SCAMP5: variants seen among roughly 807,000 people sequenced by gnomAD.
The protein encoded by SCAMP5 is secretory carrier membrane protein 5, also known as secretory carrier-associated membrane protein 5.
SCAMP5 carries 7 observed loss-of-function variants against 28.3 expected under a neutral mutation model. The ratio of observed to expected loss-of-function variants is 0.25; its 90% CI spans 0.14 to 0.46. The LOEUF is 0.46. Among genes scored for constraint, SCAMP5 ranks in the 20% least tolerant of loss-of-function variants. The probability of loss-of-function intolerance (pLI) is 0.99; values close to 1 mark genes in which losing one functional copy is unlikely to be tolerated. For synonymous variants in SCAMP5, 117 were observed against 116.4 expected, an observed-to-expected ratio of 1.00 and a Z score of -0.03; for missense variants, 192 against 312.5, an observed-to-expected ratio of 0.61 and a Z score of 2.91.
Position 75,018,739 on chromosome 15 carries a change from G to T in SCAMP5, c.514-50G>T. On this transcript the variant is annotated intron_variant, in intron 6 of 6. Coordinates refer to ENST00000425597, the MANE Select transcript of SCAMP5 (RefSeq NM_138967.4). The surrounding 1 kb of genome is among the most constrained non-coding windows in gnomAD (Gnocchi z 5.6). ...ATGGGTCCCATCTATTTCCTGGATGGGCTGCCTTTTCTCTTTGATTAACCC... is the reference window on the plus strand; with the variant it reads ...ATGGGTCCCATCTATTTCCTGGATGTGCTGCCTTTTCTCTTTGATTAACCC... 1 of 1,401,216 alleles carries T rather than the reference G, an allele frequency of 7.1e-7. No individual in the cohort carries two copies. Among genetic ancestry groups the T allele is most frequent in the Non-Finnish European group, 1.0e-6 (1 of 994,340 alleles). 86.8% of individuals were successfully genotyped at this position (1,401,216 alleles called of 1,614,324 possible).
At chr15:74,999,580 C>T (rs1170101038) in intron 1 of SCAMP5, among the ~76,000 whole-genome samples, 3 of 151,550 alleles carry the variant, frequency 2.0e-5, no homozygotes, top group African/African-American at 4.9e-5. Flanking sequence ...GGCGACAGAG[C>T]GAGACTCCAT....
In SCAMP5 at chr15:74,998,932, C is replaced by T. The variant is rs555451384; in HGVS notation, c.-49+3259C>T. ...CAGGGACAGGGGTTAGGCTGGAGCC[C>T]GGTTAGGGAGAAGACTCCTCCTTTG... is the stretch of plus-strand genomic sequence containing the variant. On this transcript the variant is annotated intron_variant, in intron 1 of 6. Coordinates refer to ENST00000425597, the MANE Select transcript of SCAMP5 (RefSeq NM_138967.4). Among the ~76,000 whole-genome samples, 6 of 152,248 alleles carry T rather than the reference C, an allele frequency of 3.9e-5. No individual in the cohort carries two copies. In the South Asian group the frequency reaches 6.2e-4, roughly 16 times the overall value.
chr15:75,000,854 C>G (rs1256531843), intron 1 of SCAMP5, among the ~76,000 whole-genome samples: 1 of 152,112 alleles, frequency 6.6e-6, no homozygotes, highest in Non-Finnish European at 1.5e-5. Context: ...CTTTGAGATT[C>G]ATCCTTCCTC....
At position 75,006,059 on chromosome 15, in the gene SCAMP5, G is replaced by C. The variant is rs143600437; in HGVS notation, c.-48-5733G>C. Reference sequence around the variant, plus strand: ...GTCACCCGGGCTGGAGTAGAGTGGCGTGCTCTCGGCTCACTGAAACCTCCG... The same window carrying C: ...GTCACCCGGGCTGGAGTAGAGTGGCCTGCTCTCGGCTCACTGAAACCTCCG... On this transcript the variant is annotated intron_variant, in intron 1 of 6. Coordinates refer to ENST00000425597, the MANE Select transcript of SCAMP5 (RefSeq NM_138967.4). Among the ~76,000 whole-genome samples the C allele has an allele frequency of 2.1e-5, 3 of 141,984 alleles. No homozygotes were observed. The East Asian group carries it at 6.2e-4, about 30-fold the overall frequency. The allele number at this position is 141,984 out of a possible 152,430, so 93.1% of individuals were successfully genotyped here. A position where few individuals can be genotyped will look rare whatever the true frequency, so the allele number is the denominator to read the frequency against.
Position 75,018,401 on chromosome 15 carries a change from C to T in SCAMP5, c.396-17C>T, listed in dbSNP as rs774098344. ...CTCTTATCCTGCCCGCAGCCCCACA[C>T]TGGCCTCTTCCTGCAGCGGCTGGAT... On this transcript the variant is annotated splice_polypyrimidine_tract_variant and intron_variant, in intron 5 of 6. Transcript: ENST00000425597. This position sits in a 1 kb window ranked among gnomAD's most constrained non-coding sequence, Gnocchi z 5.6. 6.4e-7 allele frequency: 1 copy of T among 1,566,676 alleles called. No individual in the cohort carries two copies. The highest frequency in any genetic ancestry group is 1.3e-5 in the African/African-American group (1 of 74,104).
chr15:75,007,112 A>G (rs1595884072), intron 1 of SCAMP5, among the ~76,000 whole-genome samples: 1 of 152,182 alleles, frequency 6.6e-6, no homozygotes, highest in South Asian at 2.1e-4. Flanking sequence ...TTCCAGGCTA[A>G]CCTTGTATTT....
intron 2 of SCAMP5, 46 bp from the exon 3 acceptor site, chr15:75,012,631 G>A (rs775781686): frequency 1.9e-5 from 30 of 1,611,412 alleles, no homozygotes; most frequent in Admixed American, 5.0e-5. Flanking sequence ...TTGGATTGTC[G>A]GGTGGAAGAC....
chr15:75,010,836 T>C (rs570337638), intron 1 of SCAMP5, among the ~76,000 whole-genome samples: 4 of 152,018 alleles, frequency 2.6e-5, no homozygotes, highest in Admixed American at 2.6e-4. Flanking sequence ...GTACGATGCT[T>C]TCCCATCTGC....
chr15:75,003,438 T>C (rs192149637), intron 1 of SCAMP5, among the ~76,000 whole-genome samples: 62 of 152,298 alleles, frequency 4.1e-4, no homozygotes, highest in African/African-American at 1.4e-3. Flanking sequence ...TTTGTGCATA[T>C]ATTGTCAAAT....
At chr15:75,004,019 G>A (rs965119106) in intron 1 of SCAMP5, among the ~76,000 whole-genome samples, 7 of 151,716 alleles carry the variant, frequency 4.6e-5, no homozygotes, top group Non-Finnish European at 1.0e-4. Flanking sequence ...ATTCTCCTGC[G>A]TCAGCCTCCT....
chr15:74,999,920 T>A (rs1023029798), intron 1 of SCAMP5, among the ~76,000 whole-genome samples: 1 of 152,174 alleles, frequency 6.6e-6, no homozygotes, highest in Non-Finnish European at 1.5e-5. Flanking sequence ...TTGAGATAGA[T>A]CTGTATTCAT....
chr15:75,019,822 C>A lies in SCAMP5; in HGVS notation c.*839C>A, dbSNP rs2065890999. Reference sequence around the variant, plus strand: ...GTGCAGAGCCCACCTGGGTACCTGACCCCCAGGGGATGAAAATGCAAGGAT... The same window carrying A: ...GTGCAGAGCCCACCTGGGTACCTGAACCCCAGGGGATGAAAATGCAAGGAT... On this transcript the variant is annotated 3_prime_UTR_variant, in exon 7 of 7. Transcript: ENST00000425597. The A allele has an allele frequency of 6.6e-6, 1 of 152,630 alleles. No homozygotes were observed. The highest frequency in any genetic ancestry group is 1.5e-5 in the Non-Finnish European group (1 of 68,076). The allele number at this position is 152,630 out of a possible 1,614,324, so 9.5% of individuals were successfully genotyped here. A position where few individuals can be genotyped will look rare whatever the true frequency, so the allele number is the denominator to read the frequency against.
rs769760180 is a variant in SCAMP5 at position 75,001,869 on chromosome 15, CAAAAAAAAAAAAAAAA to C, written c.-49+6210_-49+6225del. Among the ~76,000 whole-genome samples, 88 of 40,468 alleles carry C rather than the reference CAAAAAAAAAAAAAAAA, an allele frequency of 2.2e-3. 1 individual carries two copies. Among genetic ancestry groups the C allele is most frequent in the African/African-American group, 7.9e-3 (79 of 9,978 alleles). 26.5% of individuals were successfully genotyped at this position (40,468 alleles called of 152,430 possible). On this transcript the variant is annotated intron_variant, in intron 1 of 6. Coordinates refer to ENST00000425597, the MANE Select transcript of SCAMP5 (RefSeq NM_138967.4). The stretch of plus-strand genomic sequence containing the variant: ...TGGGCAACAGGGCAAGACTCGGTCT[CAAAAAAAAAAAAAAAA>C]AAAAAAAAAAAAAGAGACTAACCTG...
At chr15:74,998,382 G>T (rs930510438) in intron 1 of SCAMP5, among the ~76,000 whole-genome samples, 1 of 152,122 alleles carries the variant, frequency 6.6e-6, no homozygotes, top group Non-Finnish European at 1.5e-5. Flanking sequence ...GAGGCGGGTG[G>T]ATCACCTGAG....
At chr15:75,009,155 T>A (rs535021044) in intron 1 of SCAMP5, among the ~76,000 whole-genome samples, 1 of 152,294 alleles carries the variant, frequency 6.6e-6, no homozygotes, top group Admixed American at 6.5e-5. Flanking sequence ...AAAGCATTTT[T>A]AAAAATAGCT....
At position 74,996,047 on chromosome 15, in the gene SCAMP5, C is replaced by G. The variant is rs2065649751; in HGVS notation, c.-49+374C>G. The G allele has an allele frequency of 6.5e-6, 1 of 152,894 alleles. No homozygotes were observed. The highest frequency in any genetic ancestry group is 6.5e-5 in the Admixed American group (1 of 15,312). 9.5% of individuals were successfully genotyped at this position (152,894 alleles called of 1,614,324 possible). On this transcript the variant is annotated intron_variant, in intron 1 of 6. Transcript: ENST00000425597. This position sits in a 1 kb window ranked among gnomAD's most constrained non-coding sequence, Gnocchi z 4.1. Reference sequence around the variant, plus strand: ...AAACCGGCCTTCTGGAGATGGCGTGCGCAGCCGGGGATGGGGGCGACTGGA... The same window carrying G: ...AAACCGGCCTTCTGGAGATGGCGTGGGCAGCCGGGGATGGGGGCGACTGGA...
intron 3 of SCAMP5, among the ~76,000 whole-genome samples, chr15:75,015,527 C>A (rs1245734090): frequency 3.3e-5 from 5 of 151,994 alleles, no homozygotes; most frequent in Non-Finnish European, 4.4e-5. Context: ...TCTGGGGAAC[C>A]TTGAGAGCAG....
At chr15:75,001,112 T>C (rs2065703046) in intron 1 of SCAMP5, among the ~76,000 whole-genome samples, 1 of 150,390 alleles carries the variant, frequency 6.6e-6, no homozygotes, top group Non-Finnish European at 1.5e-5. Flanking sequence ...CTACTAAAAG[T>C]ACAAAAACAA....
chr15:75,017,129 C>T (rs2141455851), intron 4 of SCAMP5, among the ~76,000 whole-genome samples: 1 of 152,224 alleles, frequency 6.6e-6, no homozygotes. Flanking sequence ...GTGCCAAGGA[C>T]ACCATCTATC....
Sources: allele counts gnomAD v4.1 joint callset (sites outside exome capture counted in the v4.1 genomes callset), GRCh38; gene constraint gnomAD v4.1.1; non-coding constraint Gnocchi (gnomAD v3.1); transcripts MANE v1.5; gene names NCBI Gene and HGNC (gene_info 2026-07-23, HGNC 2026-07-21).